Variants in ZRANB3 observed in about 807,000 individuals in gnomAD.
ZRANB3 encodes the protein DNA annealing helicase and endonuclease ZRANB3.
A neutral mutation model predicts 133.8 loss-of-function variants in ZRANB3; 125 were observed. That is an observed-to-expected ratio of 0.93 (90% CI 0.81 to 1.08). The LOEUF (loss-of-function observed/expected upper bound fraction) is 1.08, where lower values mean the gene tolerates loss of function less well. Ranked by LOEUF, ZRANB3 falls within the 50% of genes least tolerant of loss-of-function variation. The pLI is 0.00. For synonymous variants in ZRANB3, 387 were observed against 432.7 expected (o/e 0.89, Z 1.31); for missense variants, 1,229 against 1,275.5 (o/e 0.96, Z 0.56).
chr2:135,474,464 C>T (rs530559836), intron 2 of ZRANB3, among the ~76,000 whole-genome samples: 127 of 152,170 alleles, frequency 8.3e-4, no homozygotes, highest in African/African-American at 3.0e-3. Context: ...GGTGCCCTCC[C>T]CACAGTTAGA....
intron 3 of ZRANB3, among the ~76,000 whole-genome samples, chr2:135,377,790 TAC>T (rs1686492991): frequency 6.6e-6 from 1 of 152,222 alleles, no homozygotes; most frequent in South Asian, 2.1e-4. Flanking sequence ...GACTGAAGGA[TAC>T]AAAGTATTGA....
intron 2 of ZRANB3, among the ~76,000 whole-genome samples, chr2:135,494,257 G>A (rs1210160764): frequency 4.9e-5 from 7 of 143,772 alleles, no homozygotes; most frequent in African/African-American, 1.8e-4. Context: ...GCAGTGAGCT[G>A]AGATCGCGCC....
At chr2:135,371,805 T>A (rs1037872248) in intron 3 of ZRANB3, among the ~76,000 whole-genome samples, 5 of 152,084 alleles carry the variant, frequency 3.3e-5, no homozygotes, top group African/African-American at 1.2e-4. Context: ...CCTGAATGTA[T>A]CAGGAGGTGG....
Position 135,230,519 on chromosome 2 carries a change from T to G in ZRANB3, c.1948A>C (p.Ser650Arg). 1 of 1,526,136 alleles carries G rather than the reference T, an allele frequency of 6.6e-7. No individual in the cohort carries two copies. The highest frequency in any genetic ancestry group is 2.3e-5 in the East Asian group (1 of 43,984). 94.5% of individuals were successfully genotyped at this position (1,526,136 alleles called of 1,614,324 possible). A position where few individuals can be genotyped will look rare whatever the true frequency, so the allele number is the denominator to read the frequency against. ...TCACCTTCTATATACTCACCAGCACTGCCTTGAGGAGTCTCACACATTTCA... is the reference window on the plus strand; with the variant it reads ...TCACCTTCTATATACTCACCAGCACGGCCTTGAGGAGTCTCACACATTTCA... ...YCEMCETPQGSAVMQIDSLNH... is the reference protein window; with the variant it reads ...YCEMCETPQGRAVMQIDSLNH... Residue 650 changes from serine (S) to arginine (R), a missense_variant, in exon 13 of 21, where the codon AGT (serine) becomes CGT (arginine). Physicochemically the swap from Ser to Arg is moderately radical, Grantham distance 110. Coordinates refer to ENST00000264159, the MANE Select transcript of ZRANB3 (RefSeq NM_032143.4).
Position 135,208,868 on chromosome 2 carries a change from T to A in ZRANB3, c.2606A>T (p.Lys869Ile). The change falls in exon 18 of 21, where the codon AAA (lysine) becomes ATA (isoleucine). Residue 869 changes from lysine to isoleucine, a missense_variant and splice_region_variant. By Grantham distance (102) the Lys-to-Ile change is moderately radical. Coordinates refer to ENST00000264159, the MANE Select transcript of ZRANB3 (RefSeq NM_032143.4). Reference sequence around the variant, plus strand: ...TATACTAGTAGTAGAAAAACCTTACTTTGTGAAAGGATCCCGTGGCCTGGA... The same window carrying A: ...TATACTAGTAGTAGAAAAACCTTACATTGTGAAAGGATCCCGTGGCCTGGA... ...KESRPRDPFT[K>I]KLLEDGACVP... 1 of 1,613,678 alleles carries A rather than the reference T, an allele frequency of 6.2e-7. No homozygotes were observed. The highest frequency in any genetic ancestry group is 8.5e-7 in the Non-Finnish European group (1 of 1,179,626).
intron 3 of ZRANB3, among the ~76,000 whole-genome samples, chr2:135,357,536 T>C (rs1004397847): frequency 6.6e-6 from 1 of 152,220 alleles, no homozygotes; most frequent in Non-Finnish European, 1.5e-5. Context: ...CCTCAGGTGA[T>C]CCACCCGCCT....
At chr2:135,374,986 A>C (rs1686356157) in intron 3 of ZRANB3, among the ~76,000 whole-genome samples, 1 of 150,396 alleles carries the variant, frequency 6.6e-6, no homozygotes, top group Admixed American at 6.6e-5. Flanking sequence ...AGAGAATTAC[A>C]AATGAAAATG....
chr2:135,227,811 C>G lies in ZRANB3; in HGVS notation c.2158+1G>C. ...ATGCTAGAAATGGAAACAAGACTTA[C>G]CATTACCTGGCTGGGATGTAAGTCC... On this transcript the variant is annotated splice_donor_variant, in intron 14 of 20. Coordinates refer to ENST00000264159, the MANE Select transcript of ZRANB3 (RefSeq NM_032143.4). LOFTEE classifies it high-confidence loss of function. The G allele has an allele frequency of 1.3e-6, 2 of 1,567,538 alleles. No individual in the cohort carries two copies. The highest frequency in any genetic ancestry group is 1.7e-4 in the Middle Eastern group (1 of 6,002).
rs550794414 is a variant in ZRANB3, at chr2:135,420,356, G to A, written c.162-29536C>T. Among the ~76,000 whole-genome samples the A allele has an allele frequency of 7.9e-5, 12 of 151,948 alleles. No individual in the cohort carries two copies. In the South Asian group the frequency reaches 2.3e-3, roughly 29 times the overall value. ...TGTTGCACTTGTTTTACAGTTTAAGGAAAAATATTTTTAGACATCACCGTG... is the reference window on the plus strand; with the variant it reads ...TGTTGCACTTGTTTTACAGTTTAAGAAAAAATATTTTTAGACATCACCGTG... On this transcript the variant is annotated intron_variant, in intron 2 of 20. Transcript: ENST00000264159.
At chr2:135,528,325 T>A (rs188661658) in intron 1 of ZRANB3, among the ~76,000 whole-genome samples, 5 of 152,112 alleles carry the variant, frequency 3.3e-5, no homozygotes, top group Admixed American at 1.3e-4. Context: ...TTTTTTTATT[T>A]TTTGTAGAGA....
At chr2:135,505,346 T>G (rs1368081465) in intron 1 of ZRANB3, among the ~76,000 whole-genome samples, 5 of 151,792 alleles carry the variant, frequency 3.3e-5, no homozygotes, top group African/African-American at 1.2e-4. Context: ...GAGGCCGAGG[T>G]GGGTGGATCA....
intron 8 of ZRANB3, among the ~76,000 whole-genome samples, chr2:135,310,857 TAGC>T (rs1397583842): frequency 2.6e-5 from 4 of 151,902 alleles, no homozygotes; most frequent in South Asian, 4.2e-4. Flanking sequence ...TTTGATTAAG[TAGC>T]ACATGACTGA....
At chr2:135,425,713 C>T (rs1689031935) in intron 2 of ZRANB3, among the ~76,000 whole-genome samples, 1 of 152,062 alleles carries the variant, frequency 6.6e-6, no homozygotes, top group Non-Finnish European at 1.5e-5. Flanking sequence ...GGGAAGTTTA[C>T]AGTGCTAAAC....
intron 3 of ZRANB3, among the ~76,000 whole-genome samples, chr2:135,372,238 A>G (rs540110983): frequency 6.6e-6 from 1 of 152,080 alleles, no homozygotes; most frequent in Admixed American, 6.5e-5. Flanking sequence ...CTGCCATGTG[A>G]CACATCAAGA....
intron 12 of ZRANB3, among the ~76,000 whole-genome samples, chr2:135,236,919 C>A (rs1695313449): frequency 6.6e-6 from 1 of 152,128 alleles, no homozygotes; most frequent in Non-Finnish European, 1.5e-5. Context: ...GTAATGGCAA[C>A]AAAAGCCAAA....
chr2:135,374,325 G>A (rs1196047787), intron 3 of ZRANB3, among the ~76,000 whole-genome samples: 1 of 151,978 alleles, frequency 6.6e-6, no homozygotes, highest in Admixed American at 6.6e-5. Context: ...AGAACTGCTT[G>A]AACCCAGGAT....
intron 8 of ZRANB3, among the ~76,000 whole-genome samples, chr2:135,296,857 T>G (rs1249755342): frequency 9.2e-5 from 14 of 152,200 alleles, no homozygotes; most frequent in Admixed American, 5.9e-4. Context: ...GACCCTGTTT[T>G]CCTGGGTATC....
At chr2:135,208,791 A>G (rs1377717149) in intron 18 of ZRANB3, 77 bp downstream of exon 18, 36 of 1,286,822 alleles carry the variant, frequency 2.8e-5, no homozygotes, top group Non-Finnish European at 4.0e-5. Context: ...AAGGTGAGAT[A>G]TTATTATGAA....
chr2:135,332,546 T>C (rs1043458189), intron 6 of ZRANB3, among the ~76,000 whole-genome samples: 3 of 152,206 alleles, frequency 2.0e-5, no homozygotes, highest in Non-Finnish European at 2.9e-5. Context: ...CTTTTCCAGA[T>C]ATGTTTTCAT....
Sources: allele counts gnomAD v4.1 joint callset (sites outside exome capture counted in the v4.1 genomes callset), GRCh38; gene constraint gnomAD v4.1.1; transcripts MANE v1.5; gene names NCBI Gene and HGNC (gene_info 2026-07-23, HGNC 2026-07-21).